Variants in SHISA6 observed in about 807,000 individuals in gnomAD.
SHISA6 encodes the protein protein shisa-6.
SHISA6 carries 22 observed loss-of-function variants against 47.9 expected under a neutral mutation model. That is an observed-to-expected ratio of 0.46 (90% CI 0.33 to 0.66). The LOEUF is 0.66. Among genes scored for constraint, SHISA6 ranks in the 30% least tolerant of loss-of-function variants. The probability of loss-of-function intolerance (pLI) is 0.02; values close to 1 mark genes in which losing one functional copy is unlikely to be tolerated. For missense variants in SHISA6, 680 were observed against 764.6 expected (o/e 0.89, Z 1.30); for synonymous variants, 388 against 337.8 (o/e 1.15, Z -1.63).
chr17:11,344,283 C>T (rs1911625888), intron 2 of SHISA6, among the ~76,000 whole-genome samples: 1 of 152,088 alleles, frequency 6.6e-6, no homozygotes, highest in South Asian at 2.1e-4. Context: ...TGTCTTTTAA[C>T]TTTTCTGATG....
At chr17:11,516,447 A>G (rs1357146056) in intron 3 of SHISA6, among the ~76,000 whole-genome samples, 1 of 152,244 alleles carries the variant, frequency 6.6e-6, no homozygotes, top group Non-Finnish European at 1.5e-5. Flanking sequence ...GGGGCAGAAT[A>G]AAGATTAGAT....
chr17:11,405,584 A>G (rs1347262225), intron 3 of SHISA6, among the ~76,000 whole-genome samples: 2 of 152,094 alleles, frequency 1.3e-5, no homozygotes, highest in Non-Finnish European at 2.9e-5. Flanking sequence ...CGGGTGGATC[A>G]CAAGGTCAGC....
intron 2 of SHISA6, among the ~76,000 whole-genome samples, chr17:11,277,882 G>A (rs1436921356): frequency 6.6e-6 from 1 of 152,174 alleles, no homozygotes; most frequent in African/African-American, 2.4e-5. Context: ...GTTTCTTTAA[G>A]AACACTTGTT....
intron 3 of SHISA6, among the ~76,000 whole-genome samples, chr17:11,393,536 A>C (rs901544970): frequency 2.0e-5 from 3 of 152,070 alleles, no homozygotes; most frequent in Non-Finnish European, 4.4e-5. Flanking sequence ...TTCCTAACCT[A>C]ATGTATTCCA....
chr17:11,385,532 A>C (rs181876231), intron 3 of SHISA6, among the ~76,000 whole-genome samples: 1 of 152,316 alleles, frequency 6.6e-6, no homozygotes, highest in African/African-American at 2.4e-5. Flanking sequence ...ATACGAATTC[A>C]GTGTGTCTTC....
intron 2 of SHISA6, among the ~76,000 whole-genome samples, chr17:11,300,319 C>T (rs1567565355): frequency 1.3e-5 from 2 of 152,090 alleles, no homozygotes; most frequent in Non-Finnish European, 2.9e-5. Flanking sequence ...CACCACTGTG[C>T]CGTACTGACT....
chr17:11,327,962 A>G lies in SHISA6; in HGVS notation c.800-51452A>G, dbSNP rs775471447. On this transcript the variant is annotated intron_variant, in intron 2 of 5. Coordinates refer to ENST00000441885, the MANE Select transcript of SHISA6 (RefSeq NM_207386.4). Reference sequence around the variant, plus strand: ...CTGTCTCTCTGTCTCTCTCTCTCTCATAGATACACACACACAGTTTTGTTA... The same window carrying G: ...CTGTCTCTCTGTCTCTCTCTCTCTCGTAGATACACACACACAGTTTTGTTA... Among the ~76,000 whole-genome samples, 49 of 148,410 alleles carry G rather than the reference A, an allele frequency of 3.3e-4. 1 individual carries two copies. The highest frequency in any genetic ancestry group is 6.4e-4 in the South Asian group (3 of 4,718).
intron 5 of SHISA6, 86 bp downstream of exon 5, chr17:11,555,978 T>C (rs528974658): frequency 2.8e-5 from 39 of 1,375,654 alleles, no homozygotes; most frequent in South Asian, 2.1e-4. Flanking sequence ...CCATACCCCA[T>C]AGGACAGCTG....
intron 2 of SHISA6, among the ~76,000 whole-genome samples, chr17:11,317,021 C>T (rs1401175446): frequency 2.0e-5 from 3 of 152,052 alleles, no homozygotes; most frequent in African/African-American, 7.2e-5. Context: ...GTTACCATTT[C>T]TACATTGAGA....
At chr17:11,394,877 A>T (rs1913513348) in intron 3 of SHISA6, among the ~76,000 whole-genome samples, 1 of 151,920 alleles carries the variant, frequency 6.6e-6, no homozygotes, top group Admixed American at 6.6e-5. Context: ...AAATATACAC[A>T]TACATACATT....
intron 2 of SHISA6, among the ~76,000 whole-genome samples, chr17:11,324,011 G>A (rs898955282): frequency 3.9e-5 from 6 of 152,098 alleles, no homozygotes; most frequent in African/African-American, 1.2e-4. Flanking sequence ...AAATGATTGA[G>A]GGAGCCCTTG....
In SHISA6 at chr17:11,263,499, C is replaced by T. The variant is rs1256683801; in HGVS notation, c.772C>T (p.Pro258Ser). The T allele has an allele frequency of 6.4e-7, 1 of 1,551,716 alleles. No individual in the cohort carries two copies. The highest frequency in any genetic ancestry group is 8.7e-7 in the Non-Finnish European group (1 of 1,146,994). The change falls in exon 2 of 6, where the codon CCT becomes TCT. Residue 258 changes from proline (P) to serine (S), a missense_variant. Pro to Ser is a moderately conservative substitution (Grantham distance 74). Around this residue, in one of 2 missense-constraint regions of SHISA6, gnomAD observed 559 missense variants for 674.1 expected, o/e 0.83. Transcript: ENST00000441885. Reference sequence around the variant, plus strand: ...ATCGTCCTCCAAAAACCACTACACTCCTGTGCGTACGGCCAAGCAGACTCC... The same window carrying T: ...ATCGTCCTCCAAAAACCACTACACTTCTGTGCGTACGGCCAAGCAGACTCC... The part of the protein sequence containing the change: ...VRSSSKNHYT[P>S]VRTAKQTPGH...
At chr17:11,415,812 G>C in intron 3 of SHISA6, among the ~76,000 whole-genome samples, 1 of 152,094 alleles carries the variant, frequency 6.6e-6, no homozygotes, top group African/African-American at 2.4e-5. Context: ...GTATTTCCTA[G>C]GAGATGACCT....
chr17:11,439,413 T>C (rs569189638), intron 3 of SHISA6, among the ~76,000 whole-genome samples: 5 of 152,034 alleles, frequency 3.3e-5, no homozygotes, highest in African/African-American at 9.7e-5. Flanking sequence ...GATAGTAACA[T>C]TGGAAAGCCT....
At chr17:11,291,646 A>G (rs920314612) in intron 2 of SHISA6, among the ~76,000 whole-genome samples, 3 of 151,908 alleles carry the variant, frequency 2.0e-5, no homozygotes, top group Admixed American at 2.0e-4. Context: ...AACAACAACA[A>G]CAACAACAAC....
At chr17:11,311,106 CAAAAAAAAAAAAAA>C (rs71139101) in intron 2 of SHISA6, among the ~76,000 whole-genome samples, 1 of 48,580 alleles carries the variant, frequency 2.1e-5, no homozygotes, top group Non-Finnish European at 3.7e-5. Context: ...GACTCCATCT[CAAAAAAAAAAAAAA>C]AAAAAAAAAA....
chr17:11,248,300 C>T (rs981536247), intron 1 of SHISA6, among the ~76,000 whole-genome samples: 1 of 152,138 alleles, frequency 6.6e-6, no homozygotes, highest in African/African-American at 2.4e-5. Context: ...TCATCTATTA[C>T]AGAATTATAA....
chr17:11,515,963 A>C (rs1355765362), intron 3 of SHISA6, among the ~76,000 whole-genome samples: 2 of 152,152 alleles, frequency 1.3e-5, no homozygotes, highest in Non-Finnish European at 2.9e-5. Context: ...CTTTACAAGC[A>C]TCTCTCTCTC....
intron 2 of SHISA6, among the ~76,000 whole-genome samples, chr17:11,363,632 G>C (rs1376174041): frequency 6.6e-6 from 1 of 152,134 alleles, no homozygotes; most frequent in South Asian, 2.1e-4. Context: ...AGGATTTAAA[G>C]GATGGATTTT....
Sources: gnomAD v4.1 joint callset for allele counts (sites outside exome capture counted in the v4.1 genomes callset) on GRCh38, gnomAD v4.1.1 for gene constraint, gnomAD v4.1.1 regional missense constraint, MANE v1.5 for transcripts, NCBI Gene and HGNC (gene_info 2026-07-23, HGNC 2026-07-21) for gene names.